Variants in ADAMTS16 observed in about 807,000 individuals in gnomAD.
ADAMTS16 encodes the protein ADAM metallopeptidase with thrombospondin type 1 motif 16, also known as A disintegrin and metalloproteinase with thrombospondin motifs 16.
In ADAMTS16, 94 loss-of-function variants were observed where a neutral mutation model predicts 145.8. The ratio of observed to expected loss-of-function variants is 0.64; its 90% confidence interval spans 0.55 to 0.77. The LOEUF (loss-of-function observed/expected upper bound fraction) is 0.77. ADAMTS16 is among the 30% of genes least tolerant of loss of function. The pLI is 0.00. For missense variants in ADAMTS16, 1,585 were observed against 1,591.5 expected, an observed-to-expected ratio of 1.00 and a Z score of 0.07; for synonymous variants, 659 against 604.3, an observed-to-expected ratio of 1.09 and a Z score of -1.33.
chr5:5,312,451 T>A (rs899751906), intron 21 of ADAMTS16, among the ~76,000 whole-genome samples: 3 of 149,968 alleles, frequency 2.0e-5, no homozygotes, highest in Non-Finnish European at 4.5e-5. Context: ...TGTTGTTATT[T>A]TTTTTTTTTT....
chr5:5,246,232 T>C (rs897461616), intron 17 of ADAMTS16, among the ~76,000 whole-genome samples: 6 of 152,224 alleles, frequency 3.9e-5, no homozygotes, highest in Admixed American at 3.9e-4. Flanking sequence ...CTTATTAAAA[T>C]TTGACCTGTG....
chr5:5,148,515 G>C (rs979212067), intron 3 of ADAMTS16, among the ~76,000 whole-genome samples: 6 of 152,172 alleles, frequency 3.9e-5, no homozygotes, highest in Non-Finnish European at 8.8e-5. Context: ...ATGGTTTACA[G>C]TTGTGAAACA....
At chr5:5,311,939 G>A (rs1403738318) in intron 21 of ADAMTS16, among the ~76,000 whole-genome samples, 5 of 151,906 alleles carry the variant, frequency 3.3e-5, no homozygotes, top group South Asian at 4.2e-4. Flanking sequence ...GGATGGTCTC[G>A]ATCTCCTGAC....
intron 3 of ADAMTS16, among the ~76,000 whole-genome samples, chr5:5,152,259 G>T (rs927864202): frequency 6.6e-6 from 1 of 152,332 alleles, no homozygotes; most frequent in African/African-American, 2.4e-5. Context: ...AGAATGGCTT[G>T]CTTCTCCCAC....
At chr5:5,302,869 C>T (rs879798755) in intron 18 of ADAMTS16, among the ~76,000 whole-genome samples, 109 of 152,214 alleles carry the variant, frequency 7.2e-4, no homozygotes, top group African/African-American at 2.0e-3. Flanking sequence ...ACCTTCAAAA[C>T]GCTGTAGGGG....
At chr5:5,259,355 C>CCTG (rs2126424253) in intron 17 of ADAMTS16, among the ~76,000 whole-genome samples, 1 of 152,350 alleles carries the variant, frequency 6.6e-6, no homozygotes, top group East Asian at 1.9e-4. Flanking sequence ...CACAAGGACA[C>CCTG]ATCTGTTGAA....
intron 3 of ADAMTS16, among the ~76,000 whole-genome samples, chr5:5,159,509 C>G (rs1734688848): frequency 6.6e-6 from 1 of 152,094 alleles, no homozygotes; most frequent in Non-Finnish European, 1.5e-5. Context: ...CCCGCCGCCC[C>G]CACTCATTAT....
At chr5:5,147,368 G>A (rs887860678) in intron 3 of ADAMTS16, among the ~76,000 whole-genome samples, 14 of 152,150 alleles carry the variant, frequency 9.2e-5, no homozygotes, top group Admixed American at 3.3e-4. Context: ...AGCTTTCAGT[G>A]TGTCTTAAAT....
At chr5:5,149,807 G>A (rs558501929) in intron 3 of ADAMTS16, among the ~76,000 whole-genome samples, 2 of 152,218 alleles carry the variant, frequency 1.3e-5, no homozygotes, top group South Asian at 2.1e-4. Context: ...TACACTATGT[G>A]GCCTTTGTGA....
At chr5:5,202,681 T>G (rs1414215637) in intron 9 of ADAMTS16, among the ~76,000 whole-genome samples, 1 of 152,206 alleles carries the variant, frequency 6.6e-6, no homozygotes, top group Admixed American at 6.5e-5. Flanking sequence ...GTTTTCTAGA[T>G]TCAGAATTTT....
chr5:5,297,494 T>C (rs146419277), intron 18 of ADAMTS16, among the ~76,000 whole-genome samples: 178 of 152,334 alleles, frequency 1.2e-3, no homozygotes, highest in African/African-American at 4.0e-3. Context: ...GGGGTTTTTG[T>C]TGAACGAGGG....
chr5:5,296,378 G>A (rs944026477), intron 18 of ADAMTS16, among the ~76,000 whole-genome samples: 15 of 152,164 alleles, frequency 9.9e-5, no homozygotes, highest in Non-Finnish European at 2.1e-4. Context: ...TCGGTTGACC[G>A]GACTCCCCGC....
chr5:5,315,909 G>A (rs114283731), intron 21 of ADAMTS16, among the ~76,000 whole-genome samples: 3,065 of 152,192 alleles, frequency 0.02, 56 homozygotes, highest in Non-Finnish European at 0.027. Flanking sequence ...TCCCAGATAA[G>A]TTCCAGACAC....
chr5:5,306,355 T>C (rs1422773903), intron 20 of ADAMTS16, 149 bp from the exon 21 acceptor site: 1 of 704,000 alleles, frequency 1.4e-6, no homozygotes, highest in African/African-American at 1.8e-5. Context: ...GATTCTATAA[T>C]GTCTCTTAAA....
intron 21 of ADAMTS16, among the ~76,000 whole-genome samples, chr5:5,307,714 T>C (rs62340889): frequency 0.11 from 16,784 of 152,082 alleles, 1,098 homozygotes; most frequent in Middle Eastern, 0.15. Context: ...GGGGTAACCT[T>C]ATCATCCCTA....
At position 5,250,810 on chromosome 5, in the gene ADAMTS16, G is replaced by A. The variant is rs370345921; in HGVS notation, c.2662+8619G>A. 8.2e-4 allele frequency among the ~76,000 whole-genome samples: 125 copies of A among 152,090 alleles called. 1 individual carries two copies. The Middle Eastern group carries it at 0.01, about 12-fold the overall frequency. On this transcript the variant is annotated intron_variant, in intron 17 of 22. Transcript: ENST00000274181. Reference sequence around the variant, plus strand: ...TAAGGTCTCTCCAGTTTGATATTCTGTGGTCTATGTCAGTCAACAATATAT... The same window carrying A: ...TAAGGTCTCTCCAGTTTGATATTCTATGGTCTATGTCAGTCAACAATATAT...
chr5:5,228,492 A>G (rs1736829892), intron 11 of ADAMTS16, among the ~76,000 whole-genome samples: 1 of 152,130 alleles, frequency 6.6e-6, no homozygotes, highest in Non-Finnish European at 1.5e-5. Context: ...CTAATGAAGT[A>G]TTTTTTCTTT....
At chr5:5,198,140 G>C (rs1268306119) in intron 8 of ADAMTS16, among the ~76,000 whole-genome samples, 2 of 152,184 alleles carry the variant, frequency 1.3e-5, no homozygotes, top group Non-Finnish European at 2.9e-5. Flanking sequence ...AGTTTATCGA[G>C]GGCAATTTCT....
chr5:5,154,387 A>G (rs1422747579), intron 3 of ADAMTS16, among the ~76,000 whole-genome samples: 1 of 152,240 alleles, frequency 6.6e-6, no homozygotes, highest in Non-Finnish European at 1.5e-5. Flanking sequence ...TGCTAATTAC[A>G]TAAGAATAAA....
Sources: gnomAD v4.1 joint callset for allele counts (sites outside exome capture counted in the v4.1 genomes callset) on GRCh38, gnomAD v4.1.1 for gene constraint, MANE v1.5 for transcripts, NCBI Gene and HGNC (gene_info 2026-07-23, HGNC 2026-07-21) for gene names.